The following BRD4 variants were observed in gnomAD, a reference collection of about 807,000 sequenced individuals.
BRD4 encodes bromodomain-containing protein 4.
BRD4 carries 16 observed loss-of-function variants against 142.1 expected under a neutral mutation model. The ratio of observed to expected loss-of-function variants is 0.11; its 90% confidence interval spans 0.08 to 0.17. The LOEUF (loss-of-function observed/expected upper bound fraction) is 0.17, where lower values mean the gene tolerates loss of function less well. Ranked by LOEUF, BRD4 falls within the 10% of genes least tolerant of loss-of-function variation. The pLI, the probability that BRD4 is intolerant of heterozygous loss-of-function variation, is 1.00. For missense variants in BRD4, 1,424 were observed against 1,810.9 expected (o/e 0.79, Z 3.88); for synonymous variants, 833 against 707.5 (o/e 1.18, Z -2.82).
intron 1 of BRD4, among the ~76,000 whole-genome samples, chr19:15,293,006 A>C (rs796546894): frequency 1.3e-5 from 2 of 151,974 alleles, no homozygotes; most frequent in South Asian, 4.2e-4. Context: ...GCTTCCTGCC[A>C]GACCACACCA....
chr19:15,320,513 G>T (rs1314760608), intron 1 of BRD4, among the ~76,000 whole-genome samples: 2 of 152,280 alleles, frequency 1.3e-5, no homozygotes, highest in African/African-American at 4.8e-5. Context: ...TTATATGGAA[G>T]AGAGACCTAA....
At chr19:15,270,423 C>G (rs1046347684) in intron 2 of BRD4, among the ~76,000 whole-genome samples, 2 of 152,186 alleles carry the variant, frequency 1.3e-5, no homozygotes, top group African/African-American at 2.4e-5. Context: ...AGAGGGGAGA[C>G]TGGAAGCAGA....
intron 7 of BRD4, among the ~76,000 whole-genome samples, chr19:15,262,413 A>T (rs768745866): frequency 6.6e-6 from 1 of 152,042 alleles, no homozygotes; most frequent in Non-Finnish European, 1.5e-5. Flanking sequence ...TAAAGAATTT[A>T]AAAAAGAAGA....
chr19:15,296,683 G>A (rs1461949597), intron 1 of BRD4, among the ~76,000 whole-genome samples: 3 of 152,160 alleles, frequency 2.0e-5, no homozygotes, highest in Non-Finnish European at 2.9e-5. Flanking sequence ...TCTCCTGACC[G>A]TCCAGCCACA....
chr19:15,319,771 C>CA (rs1181591135), intron 1 of BRD4, among the ~76,000 whole-genome samples: 2 of 151,838 alleles, frequency 1.3e-5, no homozygotes, highest in Non-Finnish European at 1.5e-5. Flanking sequence ...CCCGTCTCTA[C>CA]AAAAAAATAC....
intron 11 of BRD4, among the ~76,000 whole-genome samples, chr19:15,250,401 G>C (rs901521638): frequency 6.6e-6 from 1 of 152,214 alleles, no homozygotes; most frequent in Non-Finnish European, 1.5e-5. Flanking sequence ...AAGACCCTGG[G>C]GGTCAGGAAG....
chr19:15,304,721 T>C (rs540761409), intron 1 of BRD4, among the ~76,000 whole-genome samples: 2 of 152,158 alleles, frequency 1.3e-5, no homozygotes, highest in Non-Finnish European at 2.9e-5. Context: ...GGGCTCAATG[T>C]GTCTGTATGC....
At chr19:15,270,069 C>A (rs1234861255) in intron 2 of BRD4, among the ~76,000 whole-genome samples, 6 of 152,226 alleles carry the variant, frequency 3.9e-5, no homozygotes, top group African/African-American at 1.4e-4. Flanking sequence ...AGTCATCACT[C>A]TGACTGAGGA....
chr19:15,243,408 G>A lies in BRD4; in HGVS notation c.2661C>T (p.Pro887=), dbSNP rs770558071. The A allele has an allele frequency of 5.8e-6, 9 of 1,561,456 alleles. No homozygotes were observed. The highest frequency in any genetic ancestry group is 7.8e-6 in the Non-Finnish European group (9 of 1,157,146). Residue 887 remains proline (P), a synonymous_variant, in exon 14 of 20, where the codon CCC becomes CCT. Transcript: ENST00000679869. ...AAALPPKPAR[P]PAVSPALTQT... ...GGGTCAAGGCTGGTGACACGGCTGG[G>A]GGCCGGGCGGGCTTGGGAGGCAGGG...
At chr19:15,254,283 G>A (rs201625302) in intron 10 of BRD4, 21 bp from the exon 11 acceptor site, 14 of 1,603,148 alleles carry the variant, frequency 8.7e-6, no homozygotes, top group Non-Finnish European at 1.2e-5. Flanking sequence ...AGCAATGGGA[G>A]CTGGTCAGGC....
intron 1 of BRD4, among the ~76,000 whole-genome samples, chr19:15,286,617 A>G (rs2145657938): frequency 6.6e-6 from 1 of 152,312 alleles, no homozygotes; most frequent in Middle Eastern, 3.4e-3. Context: ...GTGAAATCTA[A>G]GTGTGCATGC....
rs200713928 is a variant in BRD4 at position 15,257,098 on chromosome 19, C to A, written c.1417G>T (p.Val473Leu). ...GCCACAACCTTGGTGGGAGGGGGCA[C>A]TGCCGGGGAGGACACGGCCACCACT... ...EPVVAVSSPA[V>L]PPPTKVVAPP... The change falls in exon 8 of 20, where the codon GTG becomes TTG. Residue 473 changes from valine (V) to leucine (L), a missense_variant. Val to Leu is a conservative substitution (Grantham distance 32). This residue lies in a region of BRD4 where 90 missense variants were observed against 93.2 expected (regional missense o/e 0.97). Coordinates refer to ENST00000679869, the MANE Select transcript of BRD4 (RefSeq NM_001379291.1). 5 of 1,608,648 alleles carry A rather than the reference C, an allele frequency of 3.1e-6. No homozygotes were observed. Among genetic ancestry groups the A allele is most frequent in the Non-Finnish European group, 4.2e-6 (5 of 1,179,316 alleles).
intron 1 of BRD4, among the ~76,000 whole-genome samples, chr19:15,331,193 G>C (rs2048154083): frequency 6.6e-6 from 1 of 152,142 alleles, no homozygotes; most frequent in Non-Finnish European, 1.5e-5. Context: ...GAGTAAAAGG[G>C]AGGTCAGCCA....
chr19:15,303,163 G>T (rs144986824), intron 1 of BRD4, among the ~76,000 whole-genome samples: 1 of 152,260 alleles, frequency 6.6e-6, no homozygotes, highest in Middle Eastern at 3.4e-3. Context: ...CACTACCCCT[G>T]CATTCACATC....
intron 1 of BRD4, among the ~76,000 whole-genome samples, chr19:15,283,720 C>A (rs932918186): frequency 6.6e-6 from 1 of 152,236 alleles, no homozygotes; most frequent in South Asian, 2.1e-4. Flanking sequence ...ATTTCACCCA[C>A]TGGGAAGCCG....
rs2047398154 is a variant in BRD4 at position 15,255,499 on chromosome 19, C to T, written c.1845G>A (p.Lys615=). The T allele has an allele frequency of 3.7e-6, 6 of 1,614,082 alleles. No individual in the cohort carries two copies. The highest frequency in any genetic ancestry group is 5.1e-6 in the Non-Finnish European group (6 of 1,180,042). ...TGTTGATGTCCAAGCTGAGCTGCCG[C>T]TTCTCCTCATAGGACATAGGCTTGC... ...DKCKPMSYEE[K]RQLSLDINKL... is the part of the protein sequence containing the mutation. Residue 615 remains lysine, a synonymous_variant, in exon 10 of 20, where the codon AAG becomes AAA. Coordinates refer to ENST00000679869, the MANE Select transcript of BRD4 (RefSeq NM_001379291.1).
intron 1 of BRD4, among the ~76,000 whole-genome samples, chr19:15,300,460 TG>T (rs951125938): frequency 7.3e-5 from 11 of 150,418 alleles, no homozygotes; most frequent in Admixed American, 4.0e-4. Flanking sequence ...GAGGCTGAGG[TG>T]GAAGAATCAC....
intron 1 of BRD4, among the ~76,000 whole-genome samples, chr19:15,292,076 T>C (rs775672378): frequency 6.6e-5 from 10 of 152,212 alleles, no homozygotes; most frequent in Non-Finnish European, 1.5e-4. Context: ...TGCTGAATGA[T>C]AGCCACTCAG....
intron 1 of BRD4, among the ~76,000 whole-genome samples, chr19:15,303,683 A>G (rs572037925): frequency 1.2e-4 from 19 of 152,330 alleles, no homozygotes; most frequent in South Asian, 4.1e-4. Context: ...GTTACTTACA[A>G]ACAATATTCC....
Sources: gnomAD v4.1 joint callset for allele counts (sites outside exome capture counted in the v4.1 genomes callset) on GRCh38, gnomAD v4.1.1 for gene constraint, gnomAD v4.1.1 regional missense constraint, MANE v1.5 for transcripts, NCBI Gene and HGNC (gene_info 2026-07-23, HGNC 2026-07-21) for gene names.